STXBP5L: variants seen among roughly 807,000 people sequenced by gnomAD.
The protein encoded by STXBP5L is syntaxin binding protein 5L, also known as syntaxin-binding protein 5-like.
A neutral mutation model predicts 144.5 loss-of-function variants in STXBP5L; 65 were observed. That is an observed-to-expected ratio of 0.45 (90% CI 0.37 to 0.55). The LOEUF is 0.55. Among genes scored for constraint, STXBP5L ranks in the 20% least tolerant of loss-of-function variants. STXBP5L has a pLI of 0.00. For missense variants in STXBP5L, 1,298 were observed against 1,405.5 expected (o/e 0.92, Z 1.22); for synonymous variants, 505 against 469.6 (o/e 1.08, Z -0.97).
intron 15 of STXBP5L, among the ~76,000 whole-genome samples, chr3:121,251,607 A>G (rs1319691988): frequency 1.3e-5 from 2 of 152,202 alleles, no homozygotes; most frequent in Non-Finnish European, 2.9e-5. Context: ...GGAATAAAAG[A>G]GAGCTTTGAA....
intron 9 of STXBP5L, among the ~76,000 whole-genome samples, chr3:121,195,098 T>A (rs536799027): frequency 4.7e-4 from 71 of 151,978 alleles, no homozygotes; most frequent in African/African-American, 1.4e-3. Context: ...GTATTTTTTT[T>A]AATACAAAAT....
chr3:121,087,731 T>C (rs2042566596), intron 5 of STXBP5L, among the ~76,000 whole-genome samples: 2 of 152,126 alleles, frequency 1.3e-5, no homozygotes, highest in South Asian at 2.1e-4. Flanking sequence ...TTCTATTTGT[T>C]ATTGCTCTGC....
In STXBP5L at chr3:121,360,490, C is replaced by T. The variant is rs191291081; in HGVS notation, c.2177-18226C>T. ...CTTCTCTTCCTTCTTTCATTCCTGTCTTCCTCAAGTGAACATGATATTTTT... is the reference window on the plus strand; with the variant it reads ...CTTCTCTTCCTTCTTTCATTCCTGTTTTCCTCAAGTGAACATGATATTTTT... On this transcript the variant is annotated intron_variant, in intron 20 of 26. Transcript: ENST00000471454. Among the ~76,000 whole-genome samples the T allele has an allele frequency of 3.9e-5, 6 of 152,034 alleles. No homozygotes were observed. The East Asian group carries it at 7.7e-4, about 20-fold the overall frequency.
chr3:121,238,259 C>T (rs192006991), intron 12 of STXBP5L, among the ~76,000 whole-genome samples: 2 of 152,176 alleles, frequency 1.3e-5, no homozygotes, highest in Admixed American at 6.5e-5. Context: ...GCTGTTTTCA[C>T]TCATGGTGAA....
At chr3:120,928,358 G>A (rs1709747557) in intron 2 of STXBP5L, among the ~76,000 whole-genome samples, 1 of 152,104 alleles carries the variant, frequency 6.6e-6, no homozygotes, top group Non-Finnish European at 1.5e-5. Flanking sequence ...CGTCTCTGGG[G>A]TTCAAGCAAT....
At chr3:121,227,707 T>C (rs2049164091) in intron 11 of STXBP5L, among the ~76,000 whole-genome samples, 1 of 152,186 alleles carries the variant, frequency 6.6e-6, no homozygotes, top group Non-Finnish European at 1.5e-5. Flanking sequence ...AAAGATATGA[T>C]GAGAATTTCC....
chr3:121,342,007 C>T (rs1434706388), intron 20 of STXBP5L, among the ~76,000 whole-genome samples: 1 of 152,000 alleles, frequency 6.6e-6, no homozygotes, highest in East Asian at 1.9e-4. Context: ...CTTTTTGTAA[C>T]ACAAAGGAAG....
intron 7 of STXBP5L, among the ~76,000 whole-genome samples, chr3:121,129,869 G>A (rs1011886733): frequency 2.0e-5 from 3 of 152,012 alleles, no homozygotes; most frequent in Non-Finnish European, 4.4e-5. Flanking sequence ...CAAAGATCCA[G>A]GGGCCTGTAC....
At chr3:121,326,158 T>G (rs1413026764) in intron 20 of STXBP5L, among the ~76,000 whole-genome samples, 1 of 152,000 alleles carries the variant, frequency 6.6e-6, no homozygotes, top group African/African-American at 2.4e-5. Flanking sequence ...AGAAATATAT[T>G]ATATATTTTA....
intron 18 of STXBP5L, 46 bp downstream of exon 18, chr3:121,259,214 G>T: frequency 1.5e-6 from 2 of 1,377,476 alleles, no homozygotes; most frequent in Non-Finnish European, 1.9e-6. Flanking sequence ...TAGCTAATAT[G>T]TTTGATTTTT....
At chr3:120,997,766 G>C (rs972192972) in intron 3 of STXBP5L, among the ~76,000 whole-genome samples, 3 of 151,920 alleles carry the variant, frequency 2.0e-5, no homozygotes, top group Admixed American at 6.6e-5. Context: ...GCTGTGTAGA[G>C]AGGCAATGAA....
chr3:121,375,125 A>G (rs990328459), intron 20 of STXBP5L, among the ~76,000 whole-genome samples: 6 of 152,210 alleles, frequency 3.9e-5, no homozygotes, highest in Non-Finnish European at 5.9e-5. Context: ...ATCACTATGC[A>G]ATATATTCAT....
intron 3 of STXBP5L, among the ~76,000 whole-genome samples, chr3:121,026,222 C>G (rs1185410174): frequency 1.3e-5 from 2 of 151,672 alleles, no homozygotes; most frequent in Non-Finnish European, 2.9e-5. Flanking sequence ...GCACCATTAA[C>G]CTTTTACAGT....
At chr3:121,175,905 G>C (rs1235731056) in intron 9 of STXBP5L, among the ~76,000 whole-genome samples, 2 of 151,020 alleles carry the variant, frequency 1.3e-5, no homozygotes, top group East Asian at 3.9e-4. Context: ...AAGAAAGCTA[G>C]TGTAGCTGTA....
At chr3:121,100,103 G>C (rs1222674850) in intron 5 of STXBP5L, among the ~76,000 whole-genome samples, 4 of 152,080 alleles carry the variant, frequency 2.6e-5, no homozygotes, top group Admixed American at 2.0e-4. Flanking sequence ...TATAAAACAA[G>C]TACCCCTAGA....
At chr3:121,195,495 T>G (rs1490523099) in intron 9 of STXBP5L, among the ~76,000 whole-genome samples, 1 of 152,204 alleles carries the variant, frequency 6.6e-6, no homozygotes, top group Non-Finnish European at 1.5e-5. Context: ...TATTTCCACT[T>G]TTGCATATGT....
intron 3 of STXBP5L, among the ~76,000 whole-genome samples, chr3:120,956,378 C>G (rs887464056): frequency 6.6e-6 from 1 of 151,812 alleles, no homozygotes; most frequent in African/African-American, 2.4e-5. Context: ...CTTTCTGTTT[C>G]TATAATTTTT....
At chr3:121,379,130 G>C (rs1044431357) in intron 21 of STXBP5L, among the ~76,000 whole-genome samples, 2 of 152,000 alleles carry the variant, frequency 1.3e-5, no homozygotes, top group African/African-American at 2.4e-5. Context: ...TCTGTACAAA[G>C]GGAGACCTAT....
chr3:120,940,380 G>A (rs550886591), intron 2 of STXBP5L, among the ~76,000 whole-genome samples: 1 of 151,990 alleles, frequency 6.6e-6, no homozygotes, highest in East Asian at 1.9e-4. Context: ...AAGATACTGC[G>A]AAATGGAATA....
Sources: gnomAD v4.1 joint callset for allele counts (sites outside exome capture counted in the v4.1 genomes callset) on GRCh38, gnomAD v4.1.1 for gene constraint, MANE v1.5 for transcripts, NCBI Gene and HGNC (gene_info 2026-07-23, HGNC 2026-07-21) for gene names.